Variants in ZNF385B observed in about 807,000 individuals in gnomAD.
The protein encoded by ZNF385B is zinc finger protein 533.
ZNF385B carries 23 observed loss-of-function variants against 39.2 expected under a neutral mutation model. The ratio of observed to expected loss-of-function variants is 0.59; its 90% CI spans 0.42 to 0.83. The LOEUF is 0.83. ZNF385B is among the 40% of genes least tolerant of loss of function. The pLI, the probability that ZNF385B is intolerant of heterozygous loss-of-function variation, is 0.00. For synonymous variants in ZNF385B, 205 were observed against 222.6 expected, an observed-to-expected ratio of 0.92 and a Z score of 0.70; for missense variants, 552 against 598.9, an observed-to-expected ratio of 0.92 and a Z score of 0.82.
At chr2:179,702,047 T>C (rs72958993) in intron 3 of ZNF385B, among the ~76,000 whole-genome samples, 2,392 of 152,296 alleles carry the variant, frequency 0.016, 33 homozygotes, top group Middle Eastern at 0.034. Flanking sequence ...CAAAAGACTT[T>C]TCACGTTTTC....
intron 3 of ZNF385B, among the ~76,000 whole-genome samples, chr2:179,620,167 TC>T (rs1403901519): frequency 6.6e-6 from 1 of 152,164 alleles, no homozygotes; most frequent in Non-Finnish European, 1.5e-5. Flanking sequence ...TGATTGCTTT[TC>T]CCCCAGAAAC....
intron 3 of ZNF385B, among the ~76,000 whole-genome samples, chr2:179,767,990 C>T (rs1703804671): frequency 6.7e-6 from 1 of 150,308 alleles, no homozygotes. Context: ...CGCTCTATTG[C>T]TCAGGCTGGA....
chr2:179,535,959 C>T (rs913238919), intron 4 of ZNF385B, among the ~76,000 whole-genome samples: 2 of 152,124 alleles, frequency 1.3e-5, no homozygotes, highest in African/African-American at 4.8e-5. Flanking sequence ...AACAGATCTG[C>T]GTTGTTGGAT....
rs536546322 is a variant in ZNF385B at position 179,716,590 on chromosome 2, A to C, written c.298+52913T>G. Among the ~76,000 whole-genome samples the C allele has an allele frequency of 7.2e-5, 11 of 152,346 alleles. No homozygotes were observed. The South Asian group carries it at 1.2e-3, about 17-fold the overall frequency. On this transcript the variant is annotated intron_variant, in intron 3 of 9. Coordinates refer to ENST00000410066, the MANE Select transcript of ZNF385B (RefSeq NM_152520.6). ...AGATATCTTGTCCCTTTTATTCCAC[A>C]GTCTCTTCTAGAACCTTCAATTCTA...
chr2:179,559,423 G>C (rs2105955546), intron 3 of ZNF385B, among the ~76,000 whole-genome samples: 1 of 152,214 alleles, frequency 6.6e-6, no homozygotes, highest in African/African-American at 2.4e-5. Flanking sequence ...CAGGTAGGCA[G>C]CTTCTGGGGC....
chr2:179,475,833 A>G (rs924837631), intron 6 of ZNF385B, among the ~76,000 whole-genome samples: 10 of 91,738 alleles, frequency 1.1e-4, no homozygotes, highest in Middle Eastern at 0.011. Flanking sequence ...CCTGGCTAAC[A>G]TGGGTAAACC....
At chr2:179,695,826 T>C (rs1173426689) in intron 3 of ZNF385B, among the ~76,000 whole-genome samples, 4 of 152,162 alleles carry the variant, frequency 2.6e-5, no homozygotes, top group African/African-American at 9.7e-5. Context: ...ACAGCCAAAA[T>C]GTGGAAACAA....
chr2:179,822,748 G>A (rs550394445), intron 1 of ZNF385B, among the ~76,000 whole-genome samples: 20 of 152,210 alleles, frequency 1.3e-4, no homozygotes, highest in South Asian at 6.2e-4. Flanking sequence ...AAAAAATGAC[G>A]TCATTGGAAT....
At chr2:179,536,869 T>A (rs2059596758) in intron 4 of ZNF385B, among the ~76,000 whole-genome samples, 1 of 152,082 alleles carries the variant, frequency 6.6e-6, no homozygotes, top group Non-Finnish European at 1.5e-5. Context: ...ACATACCATA[T>A]AAATAACATC....
chr2:179,676,920 G>A (rs1161567262), intron 3 of ZNF385B, among the ~76,000 whole-genome samples: 1 of 152,128 alleles, frequency 6.6e-6, no homozygotes, highest in Non-Finnish European at 1.5e-5. Flanking sequence ...AGTAATATGG[G>A]CTTAATGTCA....
At chr2:179,789,575 T>C (rs1031729239) in intron 1 of ZNF385B, among the ~76,000 whole-genome samples, 5 of 152,256 alleles carry the variant, frequency 3.3e-5, no homozygotes, top group East Asian at 1.9e-4. Context: ...ACCATGTTCA[T>C]ATCAACAAGC....
At chr2:179,666,124 A>G (rs1342745742) in intron 3 of ZNF385B, among the ~76,000 whole-genome samples, 1 of 152,240 alleles carries the variant, frequency 6.6e-6, no homozygotes, top group East Asian at 1.9e-4. Flanking sequence ...TTGGGAGATG[A>G]AAGCCCAAAA....
chr2:179,631,311 CA>C (rs1327406293), intron 3 of ZNF385B, among the ~76,000 whole-genome samples: 1 of 152,198 alleles, frequency 6.6e-6, no homozygotes, highest in Non-Finnish European at 1.5e-5. Flanking sequence ...ATCAGACTAA[CA>C]GTGGATCTCT....
chr2:179,706,699 C>G (rs989515516), intron 3 of ZNF385B, among the ~76,000 whole-genome samples: 1 of 152,172 alleles, frequency 6.6e-6, no homozygotes, highest in Admixed American at 6.5e-5. Context: ...GGGTCAGATG[C>G]CTGAGTAGTG....
At chr2:179,534,952 T>A (rs1031803537) in intron 4 of ZNF385B, among the ~76,000 whole-genome samples, 2 of 152,198 alleles carry the variant, frequency 1.3e-5, no homozygotes, top group Non-Finnish European at 2.9e-5. Flanking sequence ...TGCCATGTGA[T>A]AGCAGTCATT....
Position 179,493,518 on chromosome 2 carries a change from T to C in ZNF385B, c.553-10084A>G, listed in dbSNP as rs185053878. Among the ~76,000 whole-genome samples, 58 of 150,466 alleles carry C rather than the reference T, an allele frequency of 3.9e-4. 1 individual carries two copies. The highest frequency in any genetic ancestry group is 1.5e-3 in the Admixed American group (23 of 15,098). ...GTGTGTGTACATATATGCGTATACA[T>C]ATGTGTGTACATATATGCGTATACA... On this transcript the variant is annotated intron_variant, in intron 5 of 9. Transcript: ENST00000410066.
At chr2:179,840,747 C>T (rs963027533) in intron 1 of ZNF385B, among the ~76,000 whole-genome samples, 4 of 152,282 alleles carry the variant, frequency 2.6e-5, no homozygotes, top group East Asian at 1.9e-4. Context: ...TTTAATATCT[C>T]GAGAACCTGT....
intron 1 of ZNF385B, among the ~76,000 whole-genome samples, chr2:179,816,406 C>CA (rs1381550910): frequency 6.6e-6 from 1 of 152,308 alleles, no homozygotes; most frequent in Non-Finnish European, 1.5e-5. Context: ...CTGTTCTCCC[C>CA]ATTGTAATGG....
chr2:179,623,582 C>A (rs1690404588), intron 3 of ZNF385B, among the ~76,000 whole-genome samples: 1 of 152,130 alleles, frequency 6.6e-6, no homozygotes. Context: ...CATCCTATCT[C>A]CAAGATACGG....
Sources: gnomAD v4.1 joint callset for allele counts (sites outside exome capture counted in the v4.1 genomes callset) on GRCh38, gnomAD v4.1.1 for gene constraint, MANE v1.5 for transcripts, NCBI Gene and HGNC (gene_info 2026-07-23, HGNC 2026-07-21) for gene names.